The following WASHC2C variants were observed in gnomAD, a reference collection of about 807,000 sequenced individuals.
WASHC2C encodes WASH complex subunit 2C.
WASHC2C carries 73 observed loss-of-function variants against 142.2 expected under a neutral mutation model. The observed-to-expected ratio is 0.51, with a 90% CI of 0.43 to 0.62. The LOEUF (loss-of-function observed/expected upper bound fraction) is 0.62, where lower values mean the gene tolerates loss of function less well. Among genes scored for constraint, WASHC2C ranks in the 20% least tolerant of loss-of-function variants. The pLI is 0.00. For synonymous variants in WASHC2C, 337 were observed against 565.5 expected (o/e 0.60, Z 5.73); for missense variants, 969 against 1,531.7 (o/e 0.63, Z 6.13).
Position 45,752,662 on chromosome 10 carries a change from C to G in WASHC2C, c.1078C>G (p.Leu360Val), listed in dbSNP as rs782300069. The change falls in exon 12 of 31, where the codon CTG becomes GTG. Residue 360 changes from leucine to valine, a missense_variant. Physicochemically the swap from Leu to Val is conservative, Grantham distance 32 (BLOSUM62 1). Coordinates refer to ENST00000623400, the MANE Select transcript of WASHC2C (RefSeq NM_001330074.2). Reference protein sequence around the residue: ...DFSPFGSGGGLFSGGKGLFDD... With the variant: ...DFSPFGSGGGVFSGGKGLFDD... Reference sequence around the variant, plus strand: ...CTCGCCATTTGGCTCTGGAGGTGGCCTGTTCAGTGGCGGCAAGGGGCTATT... The same window carrying G: ...CTCGCCATTTGGCTCTGGAGGTGGCGTGTTCAGTGGCGGCAAGGGGCTATT... 4.3e-6 allele frequency: 7 copies of G among 1,609,508 alleles called. 1 individual carries two copies. The East Asian group carries it at 1.6e-4, about 36-fold the overall frequency.
rs1190511503 is a variant in WASHC2C, at chr10:45,734,314, AT to A, written c.292-3662del. ...AACCAACCATTGAACTTTTCAGTGT[AT>A]TTTTTTCTGTTCTTGTTTTTTAACT... On this transcript the variant is annotated intron_variant, in intron 3 of 30. Coordinates refer to ENST00000623400, the MANE Select transcript of WASHC2C (RefSeq NM_001330074.2). 2.7e-5 allele frequency among the ~76,000 whole-genome samples: 4 copies of A among 150,638 alleles called. No homozygotes were observed. In the East Asian group the frequency reaches 7.8e-4, roughly 29 times the overall value.
intron 16 of WASHC2C, among the ~76,000 whole-genome samples, chr10:45,757,914 G>T (rs1437031542): frequency 6.6e-6 from 1 of 152,242 alleles, no homozygotes; most frequent in African/African-American, 2.4e-5. Context: ...CTGGTCTGCA[G>T]CCCAGGGTTG....
intron 20 of WASHC2C, among the ~76,000 whole-genome samples, chr10:45,770,970 C>G (rs2056524743): frequency 6.6e-6 from 1 of 152,116 alleles, no homozygotes; most frequent in South Asian, 2.1e-4. Flanking sequence ...ATCGTGACTG[C>G]AGGGAAATAG....
intron 17 of WASHC2C, among the ~76,000 whole-genome samples, 199 bp from the exon 18 acceptor site, chr10:45,763,189 C>A (rs1390227815): frequency 6.6e-6 from 1 of 152,188 alleles, no homozygotes; most frequent in Non-Finnish European, 1.5e-5. Flanking sequence ...CTCTCCTCCT[C>A]CTTAGCGCCA....
intron 25 of WASHC2C, 131 bp downstream of exon 25, chr10:45,785,032 A>G: frequency 6.3e-7 from 1 of 1,598,014 alleles, no homozygotes; most frequent in Non-Finnish European, 8.5e-7. Context: ...ATGGCAAATA[A>G]CATGCCGAGG....
In WASHC2C at chr10:45,790,550, A is replaced by G. The variant is rs1459148335; in HGVS notation, c.3886+17A>G. 8 of 1,611,976 alleles carry G rather than the reference A, an allele frequency of 5.0e-6. No individual in the cohort carries two copies. The highest frequency in any genetic ancestry group is 2.2e-5 in the East Asian group (1 of 44,868). ...ATGATATGGGTAAGTTTGGTTTTCT[A>G]CATCTGACCTAGAGAATTCTTACCT... On this transcript the variant is annotated intron_variant, in intron 30 of 30. Coordinates refer to ENST00000623400, the MANE Select transcript of WASHC2C (RefSeq NM_001330074.2).
At chr10:45,734,800 A>C (rs1308208093) in intron 3 of WASHC2C, among the ~76,000 whole-genome samples, 5 of 152,096 alleles carry the variant, frequency 3.3e-5, no homozygotes, top group Non-Finnish European at 7.4e-5. Context: ...AGCTCACTGC[A>C]GCCTCAAACT....
chr10:45,735,136 C>T (rs574746728), intron 3 of WASHC2C, among the ~76,000 whole-genome samples: 4 of 151,684 alleles, frequency 2.6e-5, no homozygotes, highest in African/African-American at 9.7e-5. Context: ...CTTATTAGGG[C>T]AAGTCCCCAT....
intron 21 of WASHC2C, among the ~76,000 whole-genome samples, chr10:45,773,593 G>A (rs2056802903): frequency 6.6e-6 from 1 of 152,290 alleles, no homozygotes; most frequent in South Asian, 2.1e-4. Context: ...TCTCAGAAGA[G>A]GCTTGGGCCC....
At chr10:45,782,636 T>C (rs1264533133) in intron 23 of WASHC2C, among the ~76,000 whole-genome samples, 2 of 152,134 alleles carry the variant, frequency 1.3e-5, no homozygotes, top group South Asian at 4.2e-4. Context: ...AATAAAAACA[T>C]GTTCACACAA....
intron 16 of WASHC2C, among the ~76,000 whole-genome samples, chr10:45,758,609 T>C (rs1487019016): frequency 1.5e-4 from 22 of 145,596 alleles, no homozygotes; most frequent in East Asian, 7.8e-4. Flanking sequence ...TCTTCTTCTT[T>C]TTTTTTTTTT....
At position 45,786,547 on chromosome 10, in the gene WASHC2C, G is replaced by A. The variant is rs1310028125; in HGVS notation, c.2812-65G>A. On this transcript the variant is annotated intron_variant, in intron 26 of 30. Transcript: ENST00000623400. The stretch of plus-strand genomic sequence containing the variant: ...TTGCTCCATCACAGATTTATTTACA[G>A]GCATAAGAAACACTTGTCTTTCTGT... The A allele has an allele frequency of 1.9e-6, 3 of 1,572,666 alleles. No individual in the cohort carries two copies. In the African/African-American group the frequency reaches 4.1e-5, roughly 21 times the overall value.
intron 3 of WASHC2C, among the ~76,000 whole-genome samples, chr10:45,736,312 A>G (rs1446878683): frequency 7.1e-6 from 1 of 141,666 alleles, no homozygotes; most frequent in African/African-American, 2.6e-5. Flanking sequence ...AGGCTGAGGC[A>G]GGAGAATGGC....
intron 3 of WASHC2C, among the ~76,000 whole-genome samples, chr10:45,731,489 C>A (rs1340915216): frequency 6.9e-6 from 1 of 145,578 alleles, no homozygotes; most frequent in East Asian, 2.0e-4. Flanking sequence ...CTCCGCCTCC[C>A]GGGTTCAAGC....
intron 26 of WASHC2C, 196 bp downstream of exon 26, chr10:45,785,827 T>C: frequency 1.9e-6 from 2 of 1,052,028 alleles, no homozygotes; most frequent in Admixed American, 2.9e-5. Flanking sequence ...GTTTCATGAA[T>C]CTATACTTTA....
At position 45,750,143 on chromosome 10, in the gene WASHC2C, C is replaced by T. The variant is rs377076623; in HGVS notation, c.780C>T (p.Asp260=). The T allele has an allele frequency of 6.2e-7, 1 of 1,611,428 alleles. No homozygotes were observed. Among genetic ancestry groups the T allele is most frequent in the African/African-American group, 1.3e-5 (1 of 74,776 alleles). ...SDEEEDDDGC[D]LFADSEKEEE... ...AGGAAGAGGATGATGATGGCTGTGA[C>T]CTTTTTGCTGACTCTGAGAAGGAGG... is the stretch of plus-strand genomic sequence containing the variant. Residue 260 remains aspartate, a synonymous_variant, in exon 9 of 31, where the codon GAC becomes GAT. Coordinates refer to ENST00000623400, the MANE Select transcript of WASHC2C (RefSeq NM_001330074.2).
chr10:45,731,636 G>A (rs562506528), intron 3 of WASHC2C, among the ~76,000 whole-genome samples: 15 of 151,738 alleles, frequency 9.9e-5, no homozygotes, highest in African/African-American at 3.1e-4. Context: ...GCTGGTTGCC[G>A]CTGCCAAATC....
At chr10:45,754,646 C>T in intron 14 of WASHC2C, 101 bp downstream of exon 14, 1 of 1,158,212 alleles carries the variant, frequency 8.6e-7, no homozygotes, top group Admixed American at 2.5e-5. Context: ...GAGGAAGTAC[C>T]TGGGAGCTTC....
In WASHC2C at chr10:45,789,132, G is replaced by A; in HGVS notation, c.3349G>A (p.Ala1117Thr). 6.2e-7 allele frequency: 1 copy of A among 1,612,058 alleles called. No homozygotes were observed. Among genetic ancestry groups the A allele is most frequent in the Non-Finnish European group, 8.5e-7 (1 of 1,179,864 alleles). Reference protein sequence around the residue: ...PVPGVDTSPFAKSLGHSRGEA... With the variant: ...PVPGVDTSPFTKSLGHSRGEA... ...GCCTGGAGTGGACACAAGCCCCTTT[G>A]CAAAGTCTCTGGGTCATTCCAGAGG... is the stretch of plus-strand genomic sequence containing the variant. The change falls in exon 29 of 31, where the codon GCA becomes ACA. Residue 1117 changes from alanine to threonine, a missense_variant. Transcript: ENST00000623400.
Sources: gnomAD v4.1 joint callset for allele counts (sites outside exome capture counted in the v4.1 genomes callset) on GRCh38, gnomAD v4.1.1 for gene constraint, MANE v1.5 for transcripts, NCBI Gene and HGNC (gene_info 2026-07-23, HGNC 2026-07-21) for gene names.